The following ARHGEF40 variants were observed in gnomAD, a reference collection of about 807,000 sequenced individuals.
ARHGEF40 encodes the protein Rho guanine nucleotide exchange factor (GEF) 40.
Under a neutral mutation model 165.9 loss-of-function variants are expected in ARHGEF40, and 98 were observed. That is an observed-to-expected ratio of 0.59 (90% confidence interval 0.50 to 0.70). The LOEUF (loss-of-function observed/expected upper bound fraction) is 0.70, where lower values mean the gene tolerates loss of function less well. Among genes scored for constraint, ARHGEF40 ranks in the 30% least tolerant of loss-of-function variants. ARHGEF40 has a pLI of 0.00. For synonymous variants in ARHGEF40, 792 were observed against 814.3 expected (o/e 0.97, Z 0.47); for missense variants, 1,815 against 1,968.0 (o/e 0.92, Z 1.47).
rs1369273633 is a variant in ARHGEF40, at chr14:21,070,554, C to G, written c.3+155C>G. 1.3e-5 allele frequency among the ~76,000 whole-genome samples: 2 copies of G among 152,098 alleles called. No individual in the cohort carries two copies. The highest frequency in any genetic ancestry group is 2.9e-5 in the Non-Finnish European group (2 of 67,990). ...TCCCATCCCCCCTTCTTCGATTTGT[C>G]TGTCTGCCCGACTGTTTAGCTCTGT... On this transcript the variant is annotated intron_variant, in intron 1 of 23. Transcript: ENST00000298694. The surrounding 1 kb of genome is among the most constrained non-coding windows in gnomAD (Gnocchi z 4.7).
At position 21,074,622 on chromosome 14, in the gene ARHGEF40, C is replaced by T. The variant is rs769483402; in HGVS notation, c.892C>T (p.Arg298Trp). The T allele has an allele frequency of 7.0e-6, 11 of 1,566,802 alleles. No homozygotes were observed. Among genetic ancestry groups the T allele is most frequent in the Admixed American group, 3.9e-5 (2 of 51,826 alleles). The change falls in exon 3 of 24, where the codon CGG becomes TGG. Residue 298 changes from arginine to tryptophan, a missense_variant. Coordinates refer to ENST00000298694, the MANE Select transcript of ARHGEF40 (RefSeq NM_018071.5). The surrounding 1 kb of genome is among the most constrained non-coding windows in gnomAD (Gnocchi z 4.8). ...GATGCACCAGAAGGGCCTGGGGCCT[C>T]GGGGCCAGGATGGAGCACGCCCACC... ...AWMHQKGLGP[R>W]GQDGARPPGE...
At position 21,075,423 on chromosome 14, in the gene ARHGEF40, G is replaced by T. The variant is rs970831769; in HGVS notation, c.1542G>T (p.Glu514Asp). 6.2e-7 allele frequency: 1 copy of T among 1,614,106 alleles called. No individual in the cohort carries two copies. Among genetic ancestry groups the T allele is most frequent in the African/African-American group, 1.3e-5 (1 of 74,940 alleles). ...QEGKGDNIPE[E>D]ALAVSVSDHP... Reference sequence around the variant, plus strand: ...GAAAAGGGGACAACATTCCAGAAGAGGCCCTTGCAGTCTCCGTCTCTGATC... The same window carrying T: ...GAAAAGGGGACAACATTCCAGAAGATGCCCTTGCAGTCTCCGTCTCTGATC... Residue 514 changes from glutamate (E) to aspartate (D), a missense_variant, in exon 4 of 24, where the codon GAG becomes GAT. Glu to Asp is a conservative substitution (Grantham distance 45). Transcript: ENST00000298694. The surrounding 1 kb of genome is among the most constrained non-coding windows in gnomAD (Gnocchi z 4.5).
chr14:21,087,497 C>G, intron 21 of ARHGEF40, 34 bp downstream of exon 21: 1 of 1,596,742 alleles, frequency 6.3e-7, no homozygotes, highest in South Asian at 1.1e-5. Context: ...CTCCCAACAG[C>G]TCGGTCATGG....
Position 21,089,160 on chromosome 14 carries a change from C to T in ARHGEF40, c.*152C>T, listed in dbSNP as rs1320589147. Reference sequence around the variant, plus strand: ...GGAGGTCTAACGACCAGAGTATTGCCCTGCCACCACTATCTCTAGTCTCCC... The same window carrying T: ...GGAGGTCTAACGACCAGAGTATTGCTCTGCCACCACTATCTCTAGTCTCCC... On this transcript the variant is annotated 3_prime_UTR_variant, in exon 24 of 24. Transcript: ENST00000298694. The T allele has an allele frequency of 2.5e-6, 1 of 398,022 alleles. No individual in the cohort carries two copies. Among genetic ancestry groups the T allele is most frequent in the Non-Finnish European group, 4.5e-6 (1 of 221,506 alleles). 24.7% of individuals were successfully genotyped at this position (398,022 alleles called of 1,614,324 possible). A position where few individuals can be genotyped will look rare whatever the true frequency, so the allele number is the denominator to read the frequency against.
At chr14:21,063,051 G>A in the ARHGEF40 span, among the ~76,000 whole-genome samples, 1 of 151,882 alleles carries the variant, frequency 6.6e-6, no homozygotes, top group Non-Finnish European at 1.5e-5. Context: ...GATTGCTTGA[G>A]CCCAGGAGGT....
At chr14:21,085,920 G>T (rs574622370) in intron 19 of ARHGEF40, 54 bp downstream of exon 19, 3 of 1,593,454 alleles carry the variant, frequency 1.9e-6, no homozygotes, top group Non-Finnish European at 2.6e-6. Flanking sequence ...ATAGCAGGAA[G>T]TTTTCTGGAG....
In ARHGEF40 at chr14:21,075,076, A is replaced by G. The variant is rs962016087; in HGVS notation, c.1346A>G (p.Lys449Arg). Residue 449 changes from lysine to arginine, a missense_variant, in exon 3 of 24, where the codon AAA becomes AGA. Physicochemically the swap from Lys to Arg is conservative, Grantham distance 26 (BLOSUM62 2). Coordinates refer to ENST00000298694, the MANE Select transcript of ARHGEF40 (RefSeq NM_018071.5). This position sits in a 1 kb window ranked among gnomAD's most constrained non-coding sequence, Gnocchi z 4.5. ...GKPESEPKELKTAGEKEPQLS... is the reference protein window; with the variant it reads ...GKPESEPKELRTAGEKEPQLS... ...CCAGAATCTGAGCCAAAAGAGCTCA[A>G]AACAGCAGGCGAGAAAGAGCCTCAG... 1 of 1,614,150 alleles carries G rather than the reference A, an allele frequency of 6.2e-7. No homozygotes were observed. The highest frequency in any genetic ancestry group is 8.5e-7 in the Non-Finnish European group (1 of 1,180,036).
At chr14:21,071,349 G>C (rs1886832414) in intron 1 of ARHGEF40, among the ~76,000 whole-genome samples, 1 of 152,156 alleles carries the variant, frequency 6.6e-6, no homozygotes, top group Non-Finnish European at 1.5e-5. Context: ...CATGGCCAAG[G>C]GGCCGCTCGC....
At position 21,075,812 on chromosome 14, in the gene ARHGEF40, C is replaced by T. The variant is rs2139221521; in HGVS notation, c.1739+47C>T. 6.3e-7 allele frequency: 1 copy of T among 1,589,736 alleles called. No individual in the cohort carries two copies. Among genetic ancestry groups the T allele is most frequent in the Admixed American group, 1.7e-5 (1 of 58,632 alleles). ...CACCCTGGACACTAACCTCCTGATT[C>T]ATGAGGACCCTCACCTCCTTCTTCT... On this transcript the variant is annotated intron_variant, in intron 5 of 23. Coordinates refer to ENST00000298694, the MANE Select transcript of ARHGEF40 (RefSeq NM_018071.5). The surrounding 1 kb of genome is among the most constrained non-coding windows in gnomAD (Gnocchi z 4.5).
chr14:21,073,248 T>C lies in ARHGEF40; in HGVS notation c.201+6T>C. 2 of 1,596,238 alleles carry C rather than the reference T, an allele frequency of 1.3e-6. No homozygotes were observed. The highest frequency in any genetic ancestry group is 1.7e-6 in the Non-Finnish European group (2 of 1,171,806). ...AGGTCCAGCAGGAAGCCTGTGTGAG[T>C]GGCCGTGCATCACTATTCTGCCTTC... is the stretch of plus-strand genomic sequence containing the variant. On this transcript the variant is annotated splice_donor_region_variant and intron_variant, in intron 2 of 23. Coordinates refer to ENST00000298694, the MANE Select transcript of ARHGEF40 (RefSeq NM_018071.5). The surrounding 1 kb of genome is among the most constrained non-coding windows in gnomAD (Gnocchi z 4.6).
At chr14:21,071,241 G>T (rs981634535) in intron 1 of ARHGEF40, among the ~76,000 whole-genome samples, 3 of 152,186 alleles carry the variant, frequency 2.0e-5, no homozygotes, top group African/African-American at 7.2e-5. Flanking sequence ...CAACAGGAGT[G>T]AACACTGCCC....
chr14:21,073,163 G>A lies in ARHGEF40; in HGVS notation c.122G>A (p.Arg41Gln), dbSNP rs777350548. 9.3e-6 allele frequency: 15 copies of A among 1,614,064 alleles called. No individual in the cohort carries two copies. Among genetic ancestry groups the A allele is most frequent in the East Asian group, 8.9e-5 (4 of 44,874 alleles). ...TTCCAGGTGGTGGAGAGGACTTATC[G>A]GGAGGACGCACTGAGGTACACGCTG... The part of the protein sequence containing the change: ...QVFQVVERTY[R>Q]EDALRYTLDF... The change falls in exon 2 of 24, where the codon CGG (arginine) becomes CAG (glutamine). Residue 41 changes from arginine (R) to glutamine (Q), a missense_variant. By Grantham distance (43) the Arg-to-Gln change is conservative. Transcript: ENST00000298694. The surrounding 1 kb of genome is among the most constrained non-coding windows in gnomAD (Gnocchi z 4.6).
chr14:21,078,082 C>T, intron 8 of ARHGEF40, 95 bp from the exon 9 acceptor site: 1 of 1,112,730 alleles, frequency 9.0e-7, no homozygotes, highest in Admixed American at 3.1e-5. Context: ...GCATTGCCTC[C>T]ATAAAAGTCT....
At position 21,078,506 on chromosome 14, in the gene ARHGEF40, G is replaced by T. The variant is rs1200115811; in HGVS notation, c.2246+18G>T. 1.3e-6 allele frequency: 2 copies of T among 1,541,424 alleles called. No homozygotes were observed. Among genetic ancestry groups the T allele is most frequent in the Admixed American group, 2.0e-5 (1 of 50,676 alleles). ...AGCAGCAAGTACGAAGTATGGGTGT[G>T]CGGAGGCAGGTGGAAGTGGGAGGTG... On this transcript the variant is annotated intron_variant, in intron 10 of 23. Coordinates refer to ENST00000298694, the MANE Select transcript of ARHGEF40 (RefSeq NM_018071.5).
intron 16 of ARHGEF40, 74 bp from the exon 17 acceptor site, chr14:21,083,761 T>G: frequency 7.0e-7 from 1 of 1,419,604 alleles, no homozygotes; most frequent in East Asian, 2.4e-5. Flanking sequence ...ATCACCCACC[T>G]ACCCCCCAAC....
the ARHGEF40 span, among the ~76,000 whole-genome samples, chr14:21,065,245 GACAA>G: frequency 2.0e-5 from 3 of 151,108 alleles, no homozygotes; most frequent in Non-Finnish European, 4.4e-5. Context: ...TCCTCCAACA[GACAA>G]ACAAACAAAC....
chr14:21,068,064 A>G (rs1237472463), upstream of ARHGEF40, among the ~76,000 whole-genome samples: 5 of 31,310 alleles, frequency 1.6e-4, 2 homozygotes, highest in Non-Finnish European at 4.4e-4. Context: ...CAGTGGCGCG[A>G]TCTCGGCTCA....
At chr14:21,084,202 C>A in intron 17 of ARHGEF40, 152 bp downstream of exon 17, 1 of 705,940 alleles carries the variant, frequency 1.4e-6, no homozygotes, top group Non-Finnish European at 2.3e-6. Context: ...AGTCACTGAA[C>A]TTCACTGGAC....
Position 21,082,354 on chromosome 14 carries a change from G to T in ARHGEF40, c.3362G>T (p.Gly1121Val), listed in dbSNP as rs771307575. 1.2e-6 allele frequency: 2 copies of T among 1,612,048 alleles called. No homozygotes were observed. The highest frequency in any genetic ancestry group is 1.7e-6 in the Non-Finnish European group (2 of 1,179,826). ...CCTGAGCTGACGCCTGAACTTCGGG[G>T]CACCTGGGCTGCTGCCCTGAGTGCC... Reference protein sequence around the residue: ...PGPELTPELRGTWAAALSARE... With the variant: ...PGPELTPELRVTWAAALSARE... Residue 1121 changes from glycine to valine, a missense_variant, in exon 15 of 24, where the codon GGC (glycine) becomes GTC (valine). By Grantham distance (109) the Gly-to-Val change is moderately radical (BLOSUM62 -3). Coordinates refer to ENST00000298694, the MANE Select transcript of ARHGEF40 (RefSeq NM_018071.5).
Sources: allele counts gnomAD v4.1 joint callset (sites outside exome capture counted in the v4.1 genomes callset), GRCh38; gene constraint gnomAD v4.1.1; non-coding constraint Gnocchi (gnomAD v3.1); transcripts MANE v1.5; gene names NCBI Gene and HGNC (gene_info 2026-07-23, HGNC 2026-07-21).